TBC1D1: variants seen among roughly 807,000 people sequenced by gnomAD.
The protein encoded by TBC1D1 is TBC1 (tre-2/USP6, BUB2, cdc16) domain family, member 1.
Under a neutral mutation model 125.6 loss-of-function variants are expected in TBC1D1, and 89 were observed. The ratio of observed to expected loss-of-function variants is 0.71; its 90% confidence interval spans 0.60 to 0.85. The LOEUF is 0.85. Ranked by LOEUF, TBC1D1 falls within the 40% of genes least tolerant of loss-of-function variation. The pLI, the probability that TBC1D1 is intolerant of heterozygous loss-of-function variation, is 0.00. For missense variants in TBC1D1, 1,377 were observed against 1,469.2 expected, an observed-to-expected ratio of 0.94 and a Z score of 1.03; for synonymous variants, 565 against 564.1, an observed-to-expected ratio of 1.00 and a Z score of -0.02.
At chr4:38,089,901 G>T in intron 12 of TBC1D1, 31 bp from the exon 15 acceptor site, 1 of 1,534,102 alleles carries the variant, frequency 6.5e-7, no homozygotes, top group South Asian at 1.3e-5. Context: ...GTTGAAAAAT[G>T]ACAATTCTGG....
At position 38,018,422 on chromosome 4, in the gene TBC1D1, G is replaced by A; in HGVS notation, c.951G>A (p.Lys317=). The A allele has an allele frequency of 6.2e-7, 1 of 1,610,960 alleles. No individual in the cohort carries two copies. The highest frequency in any genetic ancestry group is 8.5e-7 in the Non-Finnish European group (1 of 1,178,502). The stretch of plus-strand genomic sequence containing the variant: ...AAATAGCATTGGAGAAAAATTTTAA[G>A]GAGATATCCTTTTGCTCTCAGGTAA... The change falls in exon 4 of 20, where the codon AAG becomes AAA. Residue 317 remains lysine (K), a synonymous_variant. Coordinates refer to ENST00000261439, the MANE Select transcript of TBC1D1 (RefSeq NM_015173.4).
At chr4:37,982,196 G>A (rs1386112201) in intron 2 of TBC1D1, among the ~76,000 whole-genome samples, 1 of 152,180 alleles carries the variant, frequency 6.6e-6, no homozygotes, top group African/African-American at 2.4e-5. Context: ...GGTAGGAGTT[G>A]CCCTTCTGTT....
At chr4:37,935,690 G>A (rs1724242264) in intron 2 of TBC1D1, among the ~76,000 whole-genome samples, 1 of 152,128 alleles carries the variant, frequency 6.6e-6, no homozygotes, top group African/African-American at 2.4e-5. Flanking sequence ...ACACCTTTCT[G>A]CTGTCTCCCC....
At chr4:37,950,227 A>G (rs1046771823) in intron 2 of TBC1D1, among the ~76,000 whole-genome samples, 3 of 152,184 alleles carry the variant, frequency 2.0e-5, no homozygotes, top group Non-Finnish European at 4.4e-5. Flanking sequence ...GACCCTGGGC[A>G]AATAACTTCA....
chr4:38,023,897 G>A (rs997528089), intron 6 of TBC1D1, among the ~76,000 whole-genome samples: 1 of 152,130 alleles, frequency 6.6e-6, no homozygotes, highest in African/African-American at 2.4e-5. Flanking sequence ...CTGCCGTATG[G>A]TACCACAGTG....
intron 2 of TBC1D1, among the ~76,000 whole-genome samples, chr4:38,006,588 C>T (rs1036664937): frequency 4.7e-5 from 7 of 150,078 alleles, no homozygotes; most frequent in East Asian, 2.0e-4. Flanking sequence ...AAGCGATGCT[C>T]CTGCCTCAGC....
chr4:38,043,679 T>C (rs956933928), intron 8 of TBC1D1, among the ~76,000 whole-genome samples: 1 of 152,140 alleles, frequency 6.6e-6, no homozygotes, highest in African/African-American at 2.4e-5. Context: ...ATTTTTATTT[T>C]CAGTTTTTAT....
rs535861113 is a variant in TBC1D1, at chr4:38,090,126, G to T, written c.2236+9G>T. ...AAATCAGAAGCTCCAAGGTTGGTTTGCCATCTTGATATTGAACAGGCCTGG... is the reference window on the plus strand; with the variant it reads ...AAATCAGAAGCTCCAAGGTTGGTTTTCCATCTTGATATTGAACAGGCCTGG... On this transcript the variant is annotated intron_variant, in intron 13 of 19. Coordinates refer to ENST00000261439, the MANE Select transcript of TBC1D1 (RefSeq NM_015173.4). 11 of 1,613,814 alleles carry T rather than the reference G, an allele frequency of 6.8e-6. No homozygotes were observed. In the East Asian group the frequency reaches 2.5e-4, roughly 36 times the overall value.
intron 4 of TBC1D1, among the ~76,000 whole-genome samples, chr4:38,019,230 G>T (rs142881518): frequency 6.6e-6 from 1 of 152,084 alleles, no homozygotes; most frequent in Admixed American, 6.5e-5. Context: ...GAAAATGTCA[G>T]TGTTGATTTA....
chr4:38,016,624 A>G (rs1423288181), intron 3 of TBC1D1, among the ~76,000 whole-genome samples: 1 of 152,250 alleles, frequency 6.6e-6, no homozygotes, highest in Admixed American at 6.5e-5. Flanking sequence ...ATAGGCTTCA[A>G]GAGGGCATGG....
chr4:38,090,447 C>G (rs1210197843), intron 13 of TBC1D1, among the ~76,000 whole-genome samples: 1 of 152,136 alleles, frequency 6.6e-6, no homozygotes, highest in Non-Finnish European at 1.5e-5. Context: ...GTCTCTCTCT[C>G]TCTCTACTTT....
chr4:37,978,041 G>C (rs1007832409), intron 2 of TBC1D1, among the ~76,000 whole-genome samples: 2 of 152,206 alleles, frequency 1.3e-5, no homozygotes, highest in Admixed American at 6.5e-5. Flanking sequence ...TGGTTTCAAA[G>C]GGCATGTTCT....
chr4:38,103,825 G>T (rs531083057), intron 15 of TBC1D1, among the ~76,000 whole-genome samples: 1 of 152,136 alleles, frequency 6.6e-6, no homozygotes, highest in Non-Finnish European at 1.5e-5. Flanking sequence ...AATTTACATT[G>T]TATTAGGTGT....
intron 12 of TBC1D1, among the ~76,000 whole-genome samples, chr4:38,058,096 G>C (rs984418746): frequency 6.6e-6 from 1 of 152,220 alleles, no homozygotes; most frequent in Non-Finnish European, 1.5e-5. Flanking sequence ...TTTAATGTAC[G>C]TACTTGCCTT....
chr4:38,026,458 C>A (rs1745103429), intron 6 of TBC1D1, among the ~76,000 whole-genome samples: 1 of 152,208 alleles, frequency 6.6e-6, no homozygotes, highest in South Asian at 2.1e-4. Context: ...GCATGGTTTC[C>A]AAGTCCCTGG....
At position 38,018,408 on chromosome 4, in the gene TBC1D1, G is replaced by C. The variant is rs747603514; in HGVS notation, c.937G>C (p.Glu313Gln). 3.1e-5 allele frequency: 50 copies of C among 1,612,202 alleles called. No individual in the cohort carries two copies. Among genetic ancestry groups the C allele is most frequent in the Non-Finnish European group, 3.9e-5 (46 of 1,179,400 alleles). The change falls in exon 4 of 20, where the codon GAG becomes CAG. Residue 313 changes from glutamate (E) to glutamine (Q), a missense_variant. By Grantham distance (29) the Glu-to-Gln change is conservative (BLOSUM62 2). Coordinates refer to ENST00000261439, the MANE Select transcript of TBC1D1 (RefSeq NM_015173.4). ...TCCTGACACCAAAAAAATAGCATTG[G>C]AGAAAAATTTTAAGGAGATATCCTT...
At chr4:37,895,457 A>C (rs2152207772) in intron 1 of TBC1D1, among the ~76,000 whole-genome samples, 1 of 152,216 alleles carries the variant, frequency 6.6e-6, no homozygotes, top group South Asian at 2.1e-4. Flanking sequence ...TAATCCCAGC[A>C]CTTTGGGAGG....
chr4:37,930,818 T>C (rs1353106625), intron 2 of TBC1D1, among the ~76,000 whole-genome samples: 2 of 152,242 alleles, frequency 1.3e-5, no homozygotes, highest in African/African-American at 4.8e-5. Flanking sequence ...ATTTTCCATA[T>C]ATTAAGATAA....
chr4:37,985,312 CTA>C (rs1489721510), intron 2 of TBC1D1, among the ~76,000 whole-genome samples: 3 of 152,112 alleles, frequency 2.0e-5, no homozygotes, highest in Non-Finnish European at 4.4e-5. Context: ...TTTAAAATTT[CTA>C]TGATTTCTGA....
Sources: gnomAD v4.1 joint callset for allele counts (sites outside exome capture counted in the v4.1 genomes callset) on GRCh38, gnomAD v4.1.1 for gene constraint, MANE v1.5 for transcripts, NCBI Gene and HGNC (gene_info 2026-07-23, HGNC 2026-07-21) for gene names.